Variants in GPHN observed in about 807,000 individuals in gnomAD.
GPHN encodes the protein gephyrin.
GPHN carries 17 observed loss-of-function variants against 95.5 expected under a neutral mutation model. The observed-to-expected ratio is 0.18, with a 90% CI of 0.12 to 0.27. GPHN has a LOEUF of 0.27. Among genes scored for constraint, GPHN ranks in the 10% least tolerant of loss-of-function variants. The pLI, the probability that GPHN is intolerant of heterozygous loss-of-function variation, is 1.00. For synonymous variants in GPHN, 320 were observed against 322.5 expected, an observed-to-expected ratio of 0.99 and a Z score of 0.08; for missense variants, 660 against 978.1, an observed-to-expected ratio of 0.67 and a Z score of 4.34.
intron 14 of GPHN, 62 bp downstream of exon 14, chr14:67,110,321 T>C: frequency 6.3e-7 from 1 of 1,584,332 alleles, no homozygotes; most frequent in Non-Finnish European, 8.7e-7. Flanking sequence ...TCACAACCAT[T>C]TTCTGCAGTG....
At chr14:67,663,850 G>C in the GPHN span, among the ~76,000 whole-genome samples, 1 of 152,060 alleles carries the variant, frequency 6.6e-6, no homozygotes, top group East Asian at 1.9e-4. Context: ...GCCAGGTTCG[G>C]GCCTGCCTCA....
intron 8 of GPHN, among the ~76,000 whole-genome samples, chr14:66,959,982 T>C (rs2068788198): frequency 6.6e-6 from 1 of 152,080 alleles, no homozygotes; most frequent in Admixed American, 6.6e-5. Flanking sequence ...CTAGATAATG[T>C]TAATCACCTT....
At chr14:66,994,599 A>G (rs1245405875) in intron 9 of GPHN, among the ~76,000 whole-genome samples, 1 of 152,226 alleles carries the variant, frequency 6.6e-6, no homozygotes, top group Non-Finnish European at 1.5e-5. Flanking sequence ...GCAATAGAAA[A>G]TAGAGAACTG....
rs2077017271 is a variant in GPHN, at chr14:67,088,928, C to A, written c.1145-55C>A. The stretch of plus-strand genomic sequence containing the variant: ...CTCATGCCCATCTTGTTTATGACTG[C>A]CTGCTTACCCATTGCTCTCCATATT... On this transcript the variant is annotated intron_variant, in intron 11 of 22. Transcript: ENST00000478722. 7 of 977,316 alleles carry A rather than the reference C, an allele frequency of 7.2e-6. No individual in the cohort carries two copies. The South Asian group carries it at 9.0e-5, about 13-fold the overall frequency. 60.5% of individuals were successfully genotyped at this position (977,316 alleles called of 1,614,324 possible).
At chr14:67,551,247 G>A in the GPHN span, among the ~76,000 whole-genome samples, 1 of 152,156 alleles carries the variant, frequency 6.6e-6, no homozygotes, top group Admixed American at 6.5e-5. Flanking sequence ...AGTGAAAGGA[G>A]GCTGTATTAC....
the GPHN span, among the ~76,000 whole-genome samples, chr14:67,295,782 A>G: frequency 5.3e-5 from 8 of 152,334 alleles, no homozygotes; most frequent in Non-Finnish European, 1.0e-4. Flanking sequence ...TGATACTACC[A>G]CTTTGGAAAA....
chr14:67,661,278 C>CGA, the GPHN span, among the ~76,000 whole-genome samples: 4 of 56,548 alleles, frequency 7.1e-5, no homozygotes, highest in African/African-American at 3.3e-4. Flanking sequence ...AGGGCTAGAG[C>CGA]AAAAAAAAAA....
At chr14:67,194,438 C>CGT in the GPHN span, among the ~76,000 whole-genome samples, 31 of 150,848 alleles carry the variant, frequency 2.1e-4, 2 homozygotes, top group South Asian at 1.1e-3. Context: ...ATGAGGGGGG[C>CGT]GTGTGTGTGT....
At chr14:67,161,124 C>A (rs1320079436) in intron 19 of GPHN, among the ~76,000 whole-genome samples, 2 of 152,052 alleles carry the variant, frequency 1.3e-5, no homozygotes, top group East Asian at 3.9e-4. Context: ...GAAACCCCAT[C>A]TCTATAAAAA....
chr14:66,588,235 G>A (rs1453176720), intron 1 of GPHN, among the ~76,000 whole-genome samples: 1 of 151,384 alleles, frequency 6.6e-6, no homozygotes, highest in Non-Finnish European at 1.5e-5. Context: ...CCATCCTAAG[G>A]TCACCAACAT....
At chr14:66,566,597 T>C (rs1169912471) in intron 1 of GPHN, among the ~76,000 whole-genome samples, 1 of 152,208 alleles carries the variant, frequency 6.6e-6, no homozygotes, top group East Asian at 1.9e-4. Flanking sequence ...TGAGGCTCCT[T>C]GAGGGACAGA....
At chr14:66,829,884 C>A (rs1451994839) in intron 4 of GPHN, among the ~76,000 whole-genome samples, 1 of 152,100 alleles carries the variant, frequency 6.6e-6, no homozygotes, top group Non-Finnish European at 1.5e-5. Flanking sequence ...TCCAGCCTGT[C>A]ACCTTTTTTT....
chr14:67,551,728 A>C, the GPHN span, among the ~76,000 whole-genome samples: 1 of 152,106 alleles, frequency 6.6e-6, no homozygotes, highest in Admixed American at 6.5e-5. Context: ...ATCTCTACTA[A>C]AAATACCAAA....
chr14:67,187,916 C>A, the GPHN span, among the ~76,000 whole-genome samples: 7 of 152,288 alleles, frequency 4.6e-5, no homozygotes, highest in South Asian at 8.3e-4. Flanking sequence ...CTGAAATAAT[C>A]TGTTTACATG....
At chr14:66,885,810 T>A (rs1354396923) in intron 5 of GPHN, among the ~76,000 whole-genome samples, 2 of 150,966 alleles carry the variant, frequency 1.3e-5, no homozygotes, top group Non-Finnish European at 2.9e-5. Context: ...TCAGGCTTAT[T>A]TCTTACACAG....
chr14:67,285,960 TTCTC>T, the GPHN span, among the ~76,000 whole-genome samples: 1 of 152,210 alleles, frequency 6.6e-6, no homozygotes, highest in Non-Finnish European at 1.5e-5. Flanking sequence ...GAATAATATA[TTCTC>T]TCTTTTAAAT....
chr14:67,079,923 C>T (rs1190471536), intron 11 of GPHN, among the ~76,000 whole-genome samples: 1 of 151,870 alleles, frequency 6.6e-6, no homozygotes, highest in Non-Finnish European at 1.5e-5. Context: ...GCTTTTAATT[C>T]TTTTGAATAC....
At chr14:67,688,105 C>T in the GPHN span, among the ~76,000 whole-genome samples, 1 of 152,080 alleles carries the variant, frequency 6.6e-6, no homozygotes. Context: ...ACCTCTAATC[C>T]ATTTAATTTC....
chr14:66,714,905 C>T (rs1369317377), intron 2 of GPHN, among the ~76,000 whole-genome samples: 1 of 151,976 alleles, frequency 6.6e-6, no homozygotes, highest in African/African-American at 2.4e-5. Context: ...ATTTTAGCAT[C>T]GATGTTCTTC....
Sources: gnomAD v4.1 joint callset for allele counts (sites outside exome capture counted in the v4.1 genomes callset) on GRCh38, gnomAD v4.1.1 for gene constraint, MANE v1.5 for transcripts, NCBI Gene and HGNC (gene_info 2026-07-23, HGNC 2026-07-21) for gene names.